Variants in NAV2 observed in about 807,000 individuals in gnomAD.
NAV2 encodes helicase, APC down-regulated 1.
In NAV2, 54 loss-of-function variants were observed where a neutral mutation model predicts 223.2. The observed-to-expected ratio is 0.24, with a 90% CI of 0.19 to 0.30. The LOEUF (loss-of-function observed/expected upper bound fraction) is 0.30. Ranked by LOEUF, NAV2 falls within the 10% of genes least tolerant of loss-of-function variation. NAV2 has a pLI of 1.00. For synonymous variants in NAV2, 1,279 were observed against 1,239.3 expected, an observed-to-expected ratio of 1.03 and a Z score of -0.67; for missense variants, 2,806 against 3,147.5, an observed-to-expected ratio of 0.89 and a Z score of 2.60.
intron 31 of NAV2, among the ~76,000 whole-genome samples, chr11:20,100,559 GT>G (rs1490537399): frequency 3.3e-4 from 34 of 102,460 alleles, no homozygotes; most frequent in African/African-American, 1.1e-3. Flanking sequence ...GTGTGTGTGT[GT>G]GTGTGTGTGT....
chr11:20,015,249 A>G (rs1015125788), intron 11 of NAV2, among the ~76,000 whole-genome samples: 1 of 152,206 alleles, frequency 6.6e-6, no homozygotes, highest in Non-Finnish European at 1.5e-5. Flanking sequence ...ATACGTGTCG[A>G]GCATTGCCAT....
At chr11:19,824,927 GC>G (rs1321102005) in intron 1 of NAV2, among the ~76,000 whole-genome samples, 1 of 152,146 alleles carries the variant, frequency 6.6e-6, no homozygotes, top group Non-Finnish European at 1.5e-5. Flanking sequence ...TACTATTGTT[GC>G]AAAATCATTT....
At chr11:19,376,075 G>T (rs1415734574) in intron 1 of NAV2, among the ~76,000 whole-genome samples, 1 of 152,168 alleles carries the variant, frequency 6.6e-6, no homozygotes, top group Admixed American at 6.5e-5. Flanking sequence ...GGAAGTAACA[G>T]CTGAGACCTT....
rs2045627669 is a variant in NAV2 at position 19,934,096 on chromosome 11, T to A, written c.1852T>A (p.Ser618Thr). 1.2e-6 allele frequency: 2 copies of A among 1,613,196 alleles called. No homozygotes were observed. The part of the protein sequence containing the change: ...RHSSSSSSLA[S>T]SEGKGPGGTT... The stretch of plus-strand genomic sequence containing the variant: ...CTCCAGTTCCTCTTCCAGCCTGGCG[T>A]CCTCAGAAGGAAAAGGCCCAGGAGG... The change falls in exon 7 of 38, where the codon TCC becomes ACC. Residue 618 changes from serine (S) to threonine (T), a missense_variant. By Grantham distance (58) the Ser-to-Thr change is moderately conservative. Around this residue, in one of 4 missense-constraint regions of NAV2, gnomAD observed 1,167 missense variants for 1,180.5 expected, o/e 0.99. Transcript: ENST00000349880.
intron 36 of NAV2, among the ~76,000 whole-genome samples, chr11:20,108,709 C>G (rs923519711): frequency 6.6e-6 from 1 of 151,870 alleles, no homozygotes; most frequent in African/African-American, 2.4e-5. Flanking sequence ...ACCTTGGCCT[C>G]CCAAAGTACT....
At chr11:19,979,719 T>C (rs1394014236) in intron 10 of NAV2, among the ~76,000 whole-genome samples, 1 of 152,212 alleles carries the variant, frequency 6.6e-6, no homozygotes, top group Non-Finnish European at 1.5e-5. Flanking sequence ...TTGCCACTCC[T>C]GTAAGCAGCT....
chr11:19,441,608 G>A (rs760090326), intron 1 of NAV2, among the ~76,000 whole-genome samples: 1 of 152,168 alleles, frequency 6.6e-6, no homozygotes, highest in Admixed American at 6.5e-5. Flanking sequence ...CCTTCATTCT[G>A]TCTTATGGTG....
intron 11 of NAV2, among the ~76,000 whole-genome samples, chr11:20,029,172 G>A (rs956634818): frequency 3.3e-5 from 5 of 152,184 alleles, no homozygotes; most frequent in African/African-American, 1.2e-4. Context: ...GAGCATAAAT[G>A]TAAAGGACGT....
At position 19,750,405 on chromosome 11, in the gene NAV2, G is replaced by T. The variant is rs117380107; in HGVS notation, c.267+36443G>T. Among the ~76,000 whole-genome samples the T allele has an allele frequency of 2.0e-5, 3 of 152,148 alleles. No individual in the cohort carries two copies. In the South Asian group the frequency reaches 6.2e-4, roughly 32 times the overall value. On this transcript the variant is annotated intron_variant, in intron 1 of 37. Coordinates refer to ENST00000349880, the MANE Select transcript of NAV2 (RefSeq NM_145117.5). ...TTTTCTCCCCAGGTATTTTTCTGTC[G>T]TTCCCTTGACCTTTCAAACAATGCT...
At chr11:19,642,549 G>A (rs117297529) in intron 1 of NAV2, among the ~76,000 whole-genome samples, 26 of 152,206 alleles carry the variant, frequency 1.7e-4, no homozygotes, top group East Asian at 7.7e-4. Context: ...TAAATCATCC[G>A]CTTTGACTTC....
chr11:20,009,039 C>G (rs1436395183), intron 11 of NAV2, among the ~76,000 whole-genome samples: 3 of 152,164 alleles, frequency 2.0e-5, no homozygotes, highest in African/African-American at 7.2e-5. Context: ...ATGAGACTTC[C>G]CATCCTCACG....
chr11:19,597,374 A>C (rs1019859231), intron 1 of NAV2, among the ~76,000 whole-genome samples: 1 of 152,224 alleles, frequency 6.6e-6, no homozygotes, highest in African/African-American at 2.4e-5. Context: ...AATAGCAGCC[A>C]ATCTAGAAAC....
chr11:19,919,563 C>T (rs1294169433), intron 6 of NAV2, among the ~76,000 whole-genome samples: 1 of 152,140 alleles, frequency 6.6e-6, no homozygotes, highest in Non-Finnish European at 1.5e-5. Flanking sequence ...GTGGGAGCCA[C>T]GTATGAAACT....
chr11:19,385,910 C>T (rs896710266), intron 1 of NAV2, among the ~76,000 whole-genome samples: 22 of 151,936 alleles, frequency 1.4e-4, no homozygotes, highest in African/African-American at 2.2e-4. Context: ...TACAGGCGCC[C>T]GCCACCATGC....
intron 1 of NAV2, among the ~76,000 whole-genome samples, chr11:19,806,042 G>A (rs1303469370): frequency 6.6e-6 from 1 of 152,190 alleles, no homozygotes; most frequent in Non-Finnish European, 1.5e-5. Flanking sequence ...TCAGTCACTT[G>A]GAGTTAAGTA....
At chr11:19,856,046 C>T (rs376082508) in intron 3 of NAV2, among the ~76,000 whole-genome samples, 7 of 152,162 alleles carry the variant, frequency 4.6e-5, no homozygotes, top group Middle Eastern at 3.2e-3. Context: ...TATGAAATGA[C>T]CAATATTTAA....
chr11:19,504,681 T>C (rs1204887334), intron 1 of NAV2, among the ~76,000 whole-genome samples: 1 of 152,200 alleles, frequency 6.6e-6, no homozygotes, highest in Non-Finnish European at 1.5e-5. Flanking sequence ...GTGCTGGGAA[T>C]GAGGACAGTT....
At chr11:19,723,099 G>A (rs537055094) in intron 1 of NAV2, among the ~76,000 whole-genome samples, 76 of 152,004 alleles carry the variant, frequency 5.0e-4, no homozygotes, top group Non-Finnish European at 8.1e-4. Context: ...ACCCCCAACC[G>A]CCCCTACCTT....
Position 19,370,127 on chromosome 11 carries a change from C to G in NAV2, c.75+19100C>G, listed in dbSNP as rs555060088. Among the ~76,000 whole-genome samples the G allele has an allele frequency of 2.0e-5, 3 of 152,338 alleles. 1 individual carries two copies. The highest frequency in any genetic ancestry group is 4.1e-4 in the South Asian group (2 of 4,822). On this transcript the variant is annotated intron_variant, in intron 1 of 37. Transcript: ENST00000360655. Reference sequence around the variant, plus strand: ...GATTTCCCCTTCTCCCTGATACGCTCTTTCATTGGCCTGTTGCCCACATCC... The same window carrying G: ...GATTTCCCCTTCTCCCTGATACGCTGTTTCATTGGCCTGTTGCCCACATCC...
Sources: allele counts gnomAD v4.1 joint callset (sites outside exome capture counted in the v4.1 genomes callset), GRCh38; gene constraint gnomAD v4.1.1; regional missense constraint gnomAD v4.1.1; transcripts MANE v1.5; gene names NCBI Gene and HGNC (gene_info 2026-07-23, HGNC 2026-07-21).